MPDU1: variants seen among roughly 807,000 people sequenced by gnomAD.
The protein encoded by MPDU1 is mannose-P-dolichol utilization defect 1 protein.
MPDU1 carries 18 observed loss-of-function variants against 27.6 expected under a neutral mutation model. The ratio of observed to expected loss-of-function variants is 0.65; its 90% CI spans 0.45 to 0.97. The LOEUF (loss-of-function observed/expected upper bound fraction) is 0.97, where lower values mean the gene tolerates loss of function less well. MPDU1 is among the 50% of genes least tolerant of loss of function. The pLI is 0.00. For synonymous variants in MPDU1, 142 were observed against 131.1 expected, an observed-to-expected ratio of 1.08 and a Z score of -0.57; for missense variants, 279 against 297.4, an observed-to-expected ratio of 0.94 and a Z score of 0.46.
chr17:7,587,686 C>CT lies in MPDU1; in HGVS notation c.*139dup. On this transcript the variant is annotated 3_prime_UTR_variant, in exon 7 of 7. Coordinates refer to ENST00000250124, the MANE Select transcript of MPDU1 (RefSeq NM_004870.4). ...TGCAGACTTTCTGAGCCAGGGTTTT[C>CT]TTTTAGTGGAAACAAATGGTTGATG... is the stretch of plus-strand genomic sequence containing the variant. 1 of 1,291,484 alleles carries CT rather than the reference C, an allele frequency of 7.7e-7. No individual in the cohort carries two copies. The allele number at this position is 1,291,484 out of a possible 1,614,324, so 80.0% of individuals were successfully genotyped here.
chr17:7,584,331 C>T (rs887659909), intron 1 of MPDU1: 1 of 501,386 alleles, frequency 2.0e-6, no homozygotes, highest in Non-Finnish European at 3.6e-6. Flanking sequence ...TTCATTGCAC[C>T]CCCAAAGGCT....
chr17:7,585,008 A>G (rs1668253391), intron 1 of MPDU1, among the ~76,000 whole-genome samples: 1 of 150,470 alleles, frequency 6.6e-6, no homozygotes, highest in Non-Finnish European at 1.5e-5. Flanking sequence ...TTAAAATAAG[A>G]AAAAAAAAAT....
chr17:7,586,104 A>G (rs2071578614), intron 3 of MPDU1, 26 bp downstream of exon 3: 2 of 1,612,348 alleles, frequency 1.2e-6, no homozygotes, highest in Non-Finnish European at 1.7e-6. Flanking sequence ...TTCCACCCCA[A>G]GGGTAATACC....
chr17:7,586,073 A>T lies in MPDU1; in HGVS notation c.297A>T (p.Pro99=). ...TCTACAGCATCACTAACAACTTCCCATTCAGGTGAGGGGCCCACCCTTCCA... is the reference window on the plus strand; with the variant it reads ...TCTACAGCATCACTAACAACTTCCCTTTCAGGTGAGGGGCCCACCCTTCCA... ...TMVYSITNNF[P]FSSWGEALFL... The change falls in exon 3 of 7, where the codon CCA becomes CCT. Residue 99 remains proline, a synonymous_variant. Transcript: ENST00000250124. 1 of 1,613,564 alleles carries T rather than the reference A, an allele frequency of 6.2e-7. No individual in the cohort carries two copies. Among genetic ancestry groups the T allele is most frequent in the Non-Finnish European group, 8.5e-7 (1 of 1,179,998 alleles).
chr17:7,585,899 C>T (rs1252696333), intron 2 of MPDU1, 47 bp from the exon 3 acceptor site: 1 of 1,613,822 alleles, frequency 6.2e-7, no homozygotes, highest in African/African-American at 1.3e-5. Context: ...TGTTGCATCC[C>T]AAAGAATGGA....
At chr17:7,584,148 G>T in intron 1 of MPDU1, 183 bp downstream of exon 1, 1 of 665,362 alleles carries the variant, frequency 1.5e-6, no homozygotes, top group South Asian at 1.6e-5. Flanking sequence ...ATTAGTGCCA[G>T]TGGGGAAGTC....
chr17:7,584,720 G>A (rs555337508), intron 1 of MPDU1, among the ~76,000 whole-genome samples: 8 of 152,334 alleles, frequency 5.3e-5, no homozygotes, highest in East Asian at 1.9e-4. Context: ...GGGCGGGCAC[G>A]GTGGCTCACG....
chr17:7,587,486 A>G lies in MPDU1; in HGVS notation c.679A>G (p.Ile227Val), dbSNP rs754949024. 5 of 1,613,736 alleles carry G rather than the reference A, an allele frequency of 3.1e-6. No individual in the cohort carries two copies. Among genetic ancestry groups the G allele is most frequent in the Non-Finnish European group, 4.2e-6 (5 of 1,179,952 alleles). ...GGTCTCCTCTCTCTGCAACGGCCTCATCGCCGCCCAGCTGCTCTTCTACTG... is the reference window on the plus strand; with the variant it reads ...GGTCTCCTCTCTCTGCAACGGCCTCGTCGCCGCCCAGCTGCTCTTCTACTG... ...FVVSSLCNGL[I>V]AAQLLFYWNA... The change falls in exon 7 of 7, where the codon ATC becomes GTC. Residue 227 changes from isoleucine (I) to valine (V), a missense_variant. Transcript: ENST00000250124.
chr17:7,585,665 A>C, intron 1 of MPDU1, 67 bp from the exon 2 acceptor site: 8 of 1,509,874 alleles, frequency 5.3e-6, no homozygotes, highest in African/African-American at 1.4e-5. Context: ...GAGAGCCCAC[A>C]GGAGCTTCAA....
At position 7,587,491 on chromosome 17, in the gene MPDU1, C is replaced by A; in HGVS notation, c.684C>A (p.Ala228=). 1 of 1,613,706 alleles carries A rather than the reference C, an allele frequency of 6.2e-7. No individual in the cohort carries two copies. The highest frequency in any genetic ancestry group is 8.5e-7 in the Non-Finnish European group (1 of 1,179,982). Residue 228 remains alanine, a synonymous_variant, in exon 7 of 7, where the codon GCC becomes GCA. Coordinates refer to ENST00000250124, the MANE Select transcript of MPDU1 (RefSeq NM_004870.4). ...VVSSLCNGLI[A]AQLLFYWNAK... ...CCTCTCTCTGCAACGGCCTCATCGCCGCCCAGCTGCTCTTCTACTGGAATG... is the reference window on the plus strand; with the variant it reads ...CCTCTCTCTGCAACGGCCTCATCGCAGCCCAGCTGCTCTTCTACTGGAATG...
intron 1 of MPDU1, among the ~76,000 whole-genome samples, chr17:7,585,482 G>A (rs1029977174): frequency 4.6e-5 from 7 of 151,628 alleles, no homozygotes; most frequent in Non-Finnish European, 1.0e-4. Context: ...GGCTGCAGTG[G>A]GCTGAGATTG....
At chr17:7,585,661 CCACAGGAG>C (rs769688600) in intron 1 of MPDU1, 63 bp from the exon 2 acceptor site, 1 of 1,487,832 alleles carries the variant, frequency 6.7e-7, no homozygotes, top group South Asian at 1.1e-5. Context: ...CGGGGAGAGC[CCACAGGAG>C]CTTCAAGCCC....
In MPDU1 at chr17:7,586,011, G is replaced by A; in HGVS notation, c.235G>A (p.Val79Ile). The A allele has an allele frequency of 5.6e-6, 9 of 1,614,070 alleles. No homozygotes were observed. Among genetic ancestry groups the A allele is most frequent in the Non-Finnish European group, 5.1e-6 (6 of 1,179,958 alleles). Residue 79 changes from valine (V) to isoleucine (I), a missense_variant, in exon 3 of 7, where the codon GTA becomes ATA. Coordinates refer to ENST00000250124, the MANE Select transcript of MPDU1 (RefSeq NM_004870.4). ...TGCTGAAGGGTTGAGTCTCCAGTCT[G>A]TAATGCTGGAGCTAGTGGCATTGAC... Reference protein sequence around the residue: ...KSAEGLSLQSVMLELVALTGT... With the variant: ...KSAEGLSLQSIMLELVALTGT...
intron 1 of MPDU1, chr17:7,584,303 C>A: frequency 1.8e-6 from 1 of 549,608 alleles, no homozygotes; most frequent in South Asian, 2.2e-5. Context: ...TAATTCAAAG[C>A]CCCTGATGAA....
chr17:7,587,113 TG>T (rs748347373), intron 5 of MPDU1, 47 bp from the exon 6 acceptor site: 3 of 1,596,392 alleles, frequency 1.9e-6, no homozygotes, highest in Non-Finnish European at 2.6e-6. Flanking sequence ...TGGGGGAGCA[TG>T]GGAAGAGCTC....
chr17:7,587,043 A>G (rs946573808), intron 5 of MPDU1, 26 bp downstream of exon 5: 39 of 782,798 alleles, frequency 5.0e-5, no homozygotes, highest in Middle Eastern at 4.9e-4. Flanking sequence ...AAGGGACAAG[A>G]TGTTGTGGGG....
intron 1 of MPDU1, 57 bp downstream of exon 1, chr17:7,584,022 T>C (rs751982955): frequency 4.5e-6 from 7 of 1,541,840 alleles, no homozygotes; most frequent in Non-Finnish European, 4.5e-6. Flanking sequence ...GGGCCCTTAG[T>C]CCAAGCCTTG....
chr17:7,586,763 G>GTC lies in MPDU1; in HGVS notation c.374_375insTC (p.Gln126HisfsTer4). 6.2e-7 allele frequency: 1 copy of GTC among 1,614,102 alleles called. No homozygotes were observed. The highest frequency in any genetic ancestry group is 8.5e-7 in the Non-Finnish European group (1 of 1,180,002). ...TGCTTCCTGGTCATGCACTACAGAG[G>GTC]ACAGACTGTGAAAGGTGCTGGGGAC... On this transcript the variant is annotated frameshift_variant, in exon 4 of 7. Coordinates refer to ENST00000250124, the MANE Select transcript of MPDU1 (RefSeq NM_004870.4). LOFTEE classifies it high-confidence loss of function.
chr17:7,585,888 G>T, intron 2 of MPDU1, 58 bp from the exon 3 acceptor site: 1 of 1,613,274 alleles, frequency 6.2e-7, no homozygotes, highest in South Asian at 1.1e-5. Context: ...TATAGCTGTT[G>T]TGTTGCATCC....
Sources: gnomAD v4.1 joint callset for allele counts (sites outside exome capture counted in the v4.1 genomes callset) on GRCh38, gnomAD v4.1.1 for gene constraint, MANE v1.5 for transcripts, NCBI Gene and HGNC (gene_info 2026-07-23, HGNC 2026-07-21) for gene names.